ZNF839: variants seen among roughly 807,000 people sequenced by gnomAD.
The protein encoded by ZNF839 is renal carcinoma antigen NY-REN-50.
ZNF839 carries 38 observed loss-of-function variants against 56.4 expected under a neutral mutation model. That is an observed-to-expected ratio of 0.67 (90% CI 0.52 to 0.88). The LOEUF (loss-of-function observed/expected upper bound fraction) is 0.88. ZNF839 is among the 40% of genes least tolerant of loss of function. The pLI is 0.00. For synonymous variants in ZNF839, 486 were observed against 493.5 expected (o/e 0.98, Z 0.20); for missense variants, 1,091 against 1,177.6 (o/e 0.93, Z 1.08).
At chr14:102,324,913 C>G (rs1194828444) in intron 1 of ZNF839, among the ~76,000 whole-genome samples, 1 of 148,386 alleles carries the variant, frequency 6.7e-6, no homozygotes, top group African/African-American at 2.5e-5. Flanking sequence ...TAGTGTCGCT[C>G]CACTCCAGCC....
chr14:102,335,425 C>G, intron 4 of ZNF839: 1 of 371,470 alleles, frequency 2.7e-6, no homozygotes, highest in Non-Finnish European at 4.9e-6. Context: ...CTTCCCTTCC[C>G]ACCCTGTCCA....
chr14:102,324,969 C>T lies in ZNF839; in HGVS notation c.289-1016C>T, dbSNP rs2073332814. Among the ~76,000 whole-genome samples, 3 of 151,982 alleles carry T rather than the reference C, an allele frequency of 2.0e-5. 1 individual carries two copies. In the South Asian group the frequency reaches 6.2e-4, roughly 32 times the overall value. ...CGTCTCAAAAGAAAAAGAAAAACCTCACATGGGTAAAACTGTTAGGAAGGC... is the reference window on the plus strand; with the variant it reads ...CGTCTCAAAAGAAAAAGAAAAACCTTACATGGGTAAAACTGTTAGGAAGGC... On this transcript the variant is annotated intron_variant, in intron 1 of 7. Transcript: ENST00000442396.
intron 2 of ZNF839, 109 bp from the exon 3 acceptor site, chr14:102,331,513 G>T (rs2073778997): frequency 9.5e-6 from 9 of 948,436 alleles, no homozygotes; most frequent in Non-Finnish European, 9.4e-6. Flanking sequence ...GGCTCCCAAA[G>T]TGCTGGGATT....
rs775419745 is a variant in ZNF839, at chr14:102,326,922, T to C, written c.1191+35T>C. 33 of 1,536,598 alleles carry C rather than the reference T, an allele frequency of 2.1e-5. No homozygotes were observed. The highest frequency in any genetic ancestry group is 2.5e-5 in the Non-Finnish European group (29 of 1,142,682). On this transcript the variant is annotated intron_variant, in intron 2 of 7. Coordinates refer to ENST00000442396, the MANE Select transcript of ZNF839 (RefSeq NM_018335.6). The surrounding 1 kb of genome is among the most constrained non-coding windows in gnomAD (Gnocchi z 4.3). ...CTGTCTGGGTATGTGTCTTTTTATT[T>C]GGCCGTTCTCGGATTGCTATAAAGA...
intron 2 of ZNF839, among the ~76,000 whole-genome samples, chr14:102,329,287 T>C (rs894846229): frequency 6.6e-6 from 1 of 152,158 alleles, no homozygotes; most frequent in Non-Finnish European, 1.5e-5. Flanking sequence ...TGGGTATATA[T>C]CCAGAAGTGG....
chr14:102,335,322 T>G, intron 4 of ZNF839: 1 of 208,310 alleles, frequency 4.8e-6, no homozygotes, highest in Non-Finnish European at 9.6e-6. Flanking sequence ...GCTCTGCTCC[T>G]TCTGAGCCCA....
chr14:102,331,806 G>C lies in ZNF839; in HGVS notation c.1376G>C (p.Gly459Ala), dbSNP rs777827684. ...CTACCTGGTGGCCCTGCTGCGGCAG[G>C]GGAGCAGAGGGCGTCGCCAAGCAAA... Reference protein sequence around the residue: ...AQLPGGPAAAGEQRASPSKAR... With the variant: ...AQLPGGPAAAAEQRASPSKAR... Residue 459 changes from glycine to alanine, a missense_variant, in exon 3 of 8, where the codon GGG becomes GCG. Transcript: ENST00000442396. 24 of 1,588,962 alleles carry C rather than the reference G, an allele frequency of 1.5e-5. No individual in the cohort carries two copies. Among genetic ancestry groups the C allele is most frequent in the Admixed American group, 3.6e-5 (2 of 55,858 alleles).
intron 2 of ZNF839, among the ~76,000 whole-genome samples, chr14:102,327,696 G>A (rs1373916332): frequency 6.6e-6 from 1 of 152,162 alleles, no homozygotes; most frequent in East Asian, 1.9e-4. Flanking sequence ...TTCAGGCGAA[G>A]GCTGTAGCGG....
At position 102,334,782 on chromosome 14, in the gene ZNF839, C is replaced by T. The variant is rs192376305; in HGVS notation, c.1509+136C>T. The T allele has an allele frequency of 1.2e-4, 46 of 391,108 alleles. 1 individual carries two copies. The highest frequency in any genetic ancestry group is 9.2e-4 in the Middle Eastern group (1 of 1,090). The allele number at this position is 391,108 out of a possible 1,614,324, so 24.2% of individuals were successfully genotyped here. A position where few individuals can be genotyped will look rare whatever the true frequency, so the allele number is the denominator to read the frequency against. On this transcript the variant is annotated intron_variant, in intron 4 of 7. Transcript: ENST00000442396. ...TTTTTGAGACAGGGTCTTGCTCTGT[C>T]GCCCAGCTAGAGTGCAGTGGCACCA...
chr14:102,339,064 A>G (rs763189072), intron 6 of ZNF839, 30 bp from the exon 7 acceptor site: 40 of 1,613,622 alleles, frequency 2.5e-5, no homozygotes, highest in Non-Finnish European at 3.4e-5. Context: ...ATTCCTTCCT[A>G]TTCTAGCTGA....
Position 102,320,001 on chromosome 14 carries a change from A to G in ZNF839, c.236A>G (p.Gln79Arg). The G allele has an allele frequency of 8.5e-7, 1 of 1,175,998 alleles. No homozygotes were observed. The highest frequency in any genetic ancestry group is 1.0e-6 in the Non-Finnish European group (1 of 953,332). 72.8% of individuals were successfully genotyped at this position (1,175,998 alleles called of 1,614,324 possible). ...GACGCGGCCCAACAGGCCGCCCTGCAGCGGGGCCGGGGCACCGAGCCCCCG... is the reference window on the plus strand; with the variant it reads ...GACGCGGCCCAACAGGCCGCCCTGCGGCGGGGCCGGGGCACCGAGCCCCCG... ...LRDAAQQAAL[Q>R]RGRGTEPPRL... Residue 79 changes from glutamine to arginine, a missense_variant, in exon 1 of 8, where the codon CAG becomes CGG. Gln to Arg is a conservative substitution (Grantham distance 43, BLOSUM62 1). Around this residue, in one of 3 missense-constraint regions of ZNF839, gnomAD observed 614 missense variants for 629.2 expected, o/e 0.98. Transcript: ENST00000442396.
At position 102,332,244 on chromosome 14, in the gene ZNF839, C is replaced by T. The variant is rs547689142; in HGVS notation, c.1416+398C>T. Among the ~76,000 whole-genome samples the T allele has an allele frequency of 1.6e-4, 25 of 152,228 alleles. No homozygotes were observed. Among genetic ancestry groups the T allele is most frequent in the Non-Finnish European group, 8.8e-5 (6 of 68,010 alleles). ...CACCTCCCAGGTTCAAGCGATTCTC[C>T]TTCCTTAGCCTCCTGGGTAGCTTGG... On this transcript the variant is annotated intron_variant, in intron 3 of 7. Transcript: ENST00000442396. The surrounding 1 kb of genome is among the most constrained non-coding windows in gnomAD (Gnocchi z 4.9).
chr14:102,319,750 C>T lies in ZNF839; in HGVS notation c.-16C>T. On this transcript the variant is annotated 5_prime_UTR_variant, in exon 1 of 8. Transcript: ENST00000442396. The surrounding 1 kb of genome is among the most constrained non-coding windows in gnomAD (Gnocchi z 4.5). Reference sequence around the variant, plus strand: ...GTCGCTCAGCGACCCGGGTTCGAGTCCCCGCCTCGGCCGCCATGGCGGATG... The same window carrying T: ...GTCGCTCAGCGACCCGGGTTCGAGTTCCCGCCTCGGCCGCCATGGCGGATG... The T allele has an allele frequency of 3.3e-6, 4 of 1,228,802 alleles. No individual in the cohort carries two copies. The highest frequency in any genetic ancestry group is 4.1e-6 in the Non-Finnish European group (4 of 985,818). The allele number at this position is 1,228,802 out of a possible 1,614,324, so 76.1% of individuals were successfully genotyped here.
intron 3 of ZNF839, among the ~76,000 whole-genome samples, chr14:102,333,074 T>G (rs1288203242): frequency 6.6e-6 from 1 of 152,146 alleles, no homozygotes; most frequent in Non-Finnish European, 1.5e-5. Context: ...CCTGTGGAGT[T>G]GAAAGTCAGC....
At chr14:102,330,891 G>A (rs2073746785) in intron 2 of ZNF839, among the ~76,000 whole-genome samples, 1 of 152,144 alleles carries the variant, frequency 6.6e-6, no homozygotes, top group African/African-American at 2.4e-5. Context: ...GAGGAAACAG[G>A]ACATGAGGAC....
chr14:102,326,196 G>A lies in ZNF839; in HGVS notation c.500G>A (p.Ser167Asn). 1.2e-6 allele frequency: 2 copies of A among 1,613,770 alleles called. No homozygotes were observed. The highest frequency in any genetic ancestry group is 1.7e-6 in the Non-Finnish European group (2 of 1,179,758). Reference sequence around the variant, plus strand: ...ACCGAGCCACAGTCCTGCTTCCTAAGTGACTTATGCCAACCTCCTGCTCAG... The same window carrying A: ...ACCGAGCCACAGTCCTGCTTCCTAAATGACTTATGCCAACCTCCTGCTCAG... ...VRTEPQSCFL[S>N]DLCQPPAQGF... The change falls in exon 2 of 8, where the codon AGT (serine) becomes AAT (asparagine). Residue 167 changes from serine (S) to asparagine (N), a missense_variant. Coordinates refer to ENST00000442396, the MANE Select transcript of ZNF839 (RefSeq NM_018335.6). This position sits in a 1 kb window ranked among gnomAD's most constrained non-coding sequence, Gnocchi z 4.3.
chr14:102,336,640 T>C, intron 5 of ZNF839: 1 of 436,014 alleles, frequency 2.3e-6, no homozygotes, highest in African/African-American at 2.1e-5. Context: ...TCCAGAAAAC[T>C]CAAAAATGAA....
Position 102,326,809 on chromosome 14 carries a change from G to A in ZNF839, c.1113G>A (p.Gly371=), listed in dbSNP as rs751825113. ...GGACGCTCAGCCTGACCTCCCTGGG[G>A]CTGTCCATGCCAGCGGATCCATGTG... ...EERTLSLTSL[G]LSMPADPCEG... The change falls in exon 2 of 8, where the codon GGG becomes GGA. Residue 371 remains glycine, a synonymous_variant. Coordinates refer to ENST00000442396, the MANE Select transcript of ZNF839 (RefSeq NM_018335.6). This position sits in a 1 kb window ranked among gnomAD's most constrained non-coding sequence, Gnocchi z 4.3. 2.2e-5 allele frequency: 36 copies of A among 1,611,732 alleles called. No individual in the cohort carries two copies. The East Asian group carries it at 3.6e-4, about 16-fold the overall frequency.
chr14:102,339,482 C>T (rs186501677), intron 7 of ZNF839, among the ~76,000 whole-genome samples: 32 of 152,254 alleles, frequency 2.1e-4, no homozygotes, highest in African/African-American at 6.3e-4. Context: ...CAGTGGCTCA[C>T]GCCTATAATC....
Sources: gnomAD v4.1 joint callset for allele counts (sites outside exome capture counted in the v4.1 genomes callset) on GRCh38, gnomAD v4.1.1 for gene constraint, gnomAD v4.1.1 regional missense constraint, Gnocchi (gnomAD v3.1) non-coding constraint, MANE v1.5 for transcripts, NCBI Gene and HGNC (gene_info 2026-07-23, HGNC 2026-07-21) for gene names.